The following LRRC37B variants were observed in gnomAD, a reference collection of about 807,000 sequenced individuals.
LRRC37B encodes leucine-rich repeat-containing protein 37B.
LRRC37B carries 28 observed loss-of-function variants against 98.3 expected under a neutral mutation model. That is an observed-to-expected ratio of 0.28 (90% CI 0.21 to 0.39). LRRC37B has a LOEUF of 0.39. Among genes scored for constraint, LRRC37B ranks in the 10% least tolerant of loss-of-function variants. The probability of loss-of-function intolerance (pLI) is 1.00; values close to 1 mark genes in which losing one functional copy is unlikely to be tolerated. For missense variants in LRRC37B, 938 were observed against 1,182.7 expected, an observed-to-expected ratio of 0.79 and a Z score of 3.03; for synonymous variants, 364 against 442.7, an observed-to-expected ratio of 0.82 and a Z score of 2.23.
upstream of LRRC37B, among the ~76,000 whole-genome samples, chr17:32,016,361 C>A (rs910818869): frequency 6.6e-6 from 1 of 152,160 alleles, no homozygotes; most frequent in Non-Finnish European, 1.5e-5. Context: ...GTCTTTGGTT[C>A]TCCGTTTTTC....
At chr17:32,029,678 C>T (rs1242977644) in intron 3 of LRRC37B, among the ~76,000 whole-genome samples, 8 of 152,070 alleles carry the variant, frequency 5.3e-5, no homozygotes, top group Non-Finnish European at 7.4e-5. Context: ...CGAGGAATGC[C>T]ATGAGTACCT....
intron 1 of LRRC37B, among the ~76,000 whole-genome samples, chr17:32,008,748 G>C (rs1910466135): frequency 6.6e-6 from 1 of 152,142 alleles, no homozygotes; most frequent in Non-Finnish European, 1.5e-5. Context: ...TTTATTCTTC[G>C]AGTGCTGACG....
chr17:32,024,617 C>A, intron 1 of LRRC37B, 94 bp from the exon 5 acceptor site: 1 of 1,601,738 alleles, frequency 6.2e-7, no homozygotes, highest in Non-Finnish European at 8.5e-7. Context: ...TTTTCTGTTT[C>A]CGAATATCCC....
intron 5 of LRRC37B, among the ~76,000 whole-genome samples, chr17:32,033,667 A>T (rs1911168817): frequency 6.6e-6 from 1 of 152,234 alleles, no homozygotes; most frequent in Non-Finnish European, 1.5e-5. Flanking sequence ...TGCTCACTGT[A>T]AGAATTATTA....
In LRRC37B at chr17:32,033,754, T is replaced by G. The variant is rs1167190793; in HGVS notation, c.2058-1156T>G. Among the ~76,000 whole-genome samples, 19 of 152,362 alleles carry G rather than the reference T, an allele frequency of 1.2e-4. No homozygotes were observed. In the East Asian group the frequency reaches 3.7e-3, roughly 29 times the overall value. On this transcript the variant is annotated intron_variant, in intron 5 of 11. Transcript: ENST00000327564. ...CGTGATTTTCTTTTATTTCTTCCTG[T>G]TTCTTTTCTTTTTCTTGTTCACTTT...
At chr17:32,042,959 A>G (rs2142258826) in intron 7 of LRRC37B, 1 of 152,178 alleles carries the variant, frequency 6.6e-6, no homozygotes, top group Non-Finnish European at 1.5e-5. Context: ...ATAGTAGGCA[A>G]TGATAATATT....
At chr17:32,022,043 C>A (rs747063782) in exon 1 of LRRC37B, 1 of 1,613,960 alleles carries the variant, frequency 6.2e-7, no homozygotes, top group Non-Finnish European at 8.5e-7. Flanking sequence ...AACCTTCAAC[C>A]CAGCAGGAGG....
At chr17:32,043,373 C>A (rs1911496648) in intron 7 of LRRC37B, among the ~76,000 whole-genome samples, 1 of 152,056 alleles carries the variant, frequency 6.6e-6, no homozygotes, top group African/African-American at 2.4e-5. Flanking sequence ...CCAGCCTGGG[C>A]AACGTGGTGA....
chr17:32,023,622 C>T (rs1453123001), intron 1 of LRRC37B, among the ~76,000 whole-genome samples: 1 of 152,214 alleles, frequency 6.6e-6, no homozygotes, highest in African/African-American at 2.4e-5. Flanking sequence ...GTTACCATTT[C>T]ATAGGATTGT....
chr17:32,039,813 C>T (rs1263824658), intron 7 of LRRC37B, among the ~76,000 whole-genome samples: 3 of 151,670 alleles, frequency 2.0e-5, no homozygotes, highest in Non-Finnish European at 4.4e-5. Context: ...AGGTCACTTT[C>T]TTATCTTCAC....
At chr17:32,009,209 T>C (rs1910475542) in intron 1 of LRRC37B, among the ~76,000 whole-genome samples, 1 of 152,184 alleles carries the variant, frequency 6.6e-6, no homozygotes, top group Non-Finnish European at 1.5e-5. Context: ...AGCCTCTTTT[T>C]ATGTGCATCT....
At chr17:32,022,317 C>A in exon 1 of LRRC37B, 3 of 1,613,938 alleles carry the variant, frequency 1.9e-6, no homozygotes, top group Non-Finnish European at 2.5e-6. Context: ...AGATCCTCCT[C>A]CAGAACACCC....
intron 1 of LRRC37B, among the ~76,000 whole-genome samples, chr17:32,023,665 C>T (rs1408004536): frequency 6.6e-6 from 1 of 152,226 alleles, no homozygotes; most frequent in South Asian, 2.1e-4. Flanking sequence ...ACATGGAACA[C>T]TTCATCAGTG....
intron 7 of LRRC37B, among the ~76,000 whole-genome samples, chr17:32,038,555 T>A (rs372609895): frequency 6.6e-6 from 1 of 152,196 alleles, no homozygotes; most frequent in Non-Finnish European, 1.5e-5. Flanking sequence ...TGTCTTTTCA[T>A]TCTGTTAAAA....
chr17:32,052,560 A>T (rs989933107), intron 11 of LRRC37B: 3 of 152,236 alleles, frequency 2.0e-5, no homozygotes, highest in Admixed American at 6.5e-5. Flanking sequence ...GCAGGTCCAC[A>T]TCTTCAGATT....
exon 9 of LRRC37B, chr17:32,047,898 G>A (rs1368700587): frequency 6.2e-7 from 1 of 1,614,006 alleles, no homozygotes; most frequent in African/African-American, 1.3e-5. Flanking sequence ...GTCAGGCTTT[G>A]GGGGTGAGCA....
chr17:32,047,690 T>C (rs2627097), intron 8 of LRRC37B, 71 bp from the exon 12 acceptor site: 26 of 1,608,752 alleles, frequency 1.6e-5, no homozygotes, highest in Admixed American at 3.3e-5. Context: ...CTGGGGCATA[T>C]AGCTATGGAC....
At chr17:32,025,365 C>T (rs570563719) in intron 2 of LRRC37B, among the ~76,000 whole-genome samples, 5 of 151,988 alleles carry the variant, frequency 3.3e-5, no homozygotes, top group African/African-American at 1.2e-4. Context: ...TATAAAAATG[C>T]AATAACAGGT....
chr17:32,043,646 A>G (rs1418283666), intron 7 of LRRC37B, among the ~76,000 whole-genome samples: 1 of 152,218 alleles, frequency 6.6e-6, no homozygotes, highest in African/African-American at 2.4e-5. Flanking sequence ...TTCAATCTAT[A>G]TGAAGATCAG....
Sources: gnomAD v4.1 joint callset for allele counts (sites outside exome capture counted in the v4.1 genomes callset) on GRCh38, gnomAD v4.1.1 for gene constraint, MANE v1.5 for transcripts, NCBI Gene and HGNC (gene_info 2026-07-23, HGNC 2026-07-21) for gene names.